TRERF1: variants seen among roughly 807,000 people sequenced by gnomAD.
TRERF1 encodes the protein transcriptional regulating factor 1.
In TRERF1, 27 loss-of-function variants were observed where a neutral mutation model predicts 122.9. The ratio of observed to expected loss-of-function variants is 0.22; its 90% CI spans 0.16 to 0.30. The LOEUF is 0.30. TRERF1 is among the 10% of genes least tolerant of loss of function. The pLI is 1.00. For missense variants in TRERF1, 1,248 were observed against 1,560.3 expected, an observed-to-expected ratio of 0.80 and a Z score of 3.37; for synonymous variants, 636 against 641.7, an observed-to-expected ratio of 0.99 and a Z score of 0.13.
chr6:42,360,726 C>T (rs777420774), intron 3 of TRERF1, among the ~76,000 whole-genome samples: 7 of 136,494 alleles, frequency 5.1e-5, no homozygotes, highest in Non-Finnish European at 3.0e-5. Context: ...GGTGCAGAAG[C>T]CAGCCTGAGG....
intron 13 of TRERF1, 22 bp downstream of exon 13, chr6:42,254,822 AACAGGAC>A: frequency 6.2e-7 from 1 of 1,608,422 alleles, no homozygotes; most frequent in South Asian, 1.1e-5. Flanking sequence ...GTCAGGAGGC[AACAGGAC>A]ACAGGGCTCC....
intron 2 of TRERF1, among the ~76,000 whole-genome samples, chr6:42,411,785 T>G (rs1483710846): frequency 6.6e-6 from 1 of 151,956 alleles, no homozygotes; most frequent in African/African-American, 2.4e-5. Flanking sequence ...CTTCCCACCA[T>G]GGGCAACATC....
At chr6:42,318,567 GAA>G (rs1762879243) in intron 3 of TRERF1, among the ~76,000 whole-genome samples, 1 of 152,228 alleles carries the variant, frequency 6.6e-6, no homozygotes, top group Non-Finnish European at 1.5e-5. Context: ...TAGGTCCCAA[GAA>G]GCAGAGGTAA....
chr6:42,259,842 C>T lies in TRERF1; in HGVS notation c.1885-119G>A. ...CAGAGAGCCCTTCTGCTTGACCCCC[C>T]CACCCCCAACGCCCCCACATTCTGA... On this transcript the variant is annotated intron_variant, in intron 8 of 17. Transcript: ENST00000372922. The surrounding 1 kb of genome is among the most constrained non-coding windows in gnomAD (Gnocchi z 4.9). 7.2e-7 allele frequency: 1 copy of T among 1,380,518 alleles called. No homozygotes were observed. 85.5% of individuals were successfully genotyped at this position (1,380,518 alleles called of 1,614,324 possible).
intron 2 of TRERF1, among the ~76,000 whole-genome samples, chr6:42,387,611 T>C (rs1352282328): frequency 2.6e-5 from 4 of 152,216 alleles, no homozygotes; most frequent in Non-Finnish European, 5.9e-5. Flanking sequence ...GCTCTGTTCA[T>C]GGGTGAGTGT....
chr6:42,437,935 T>C (rs1785742305), intron 2 of TRERF1, among the ~76,000 whole-genome samples: 2 of 152,174 alleles, frequency 1.3e-5, no homozygotes, highest in East Asian at 3.9e-4. Flanking sequence ...TTATTATTTA[T>C]TTTTGAGACA....
intron 2 of TRERF1, among the ~76,000 whole-genome samples, chr6:42,425,738 T>A (rs1402852945): frequency 6.6e-6 from 1 of 151,798 alleles, no homozygotes; most frequent in South Asian, 2.1e-4. Flanking sequence ...AGAGACAGGT[T>A]TTCACTATGT....
chr6:42,261,410 G>A (rs1777845638), intron 8 of TRERF1, among the ~76,000 whole-genome samples: 1 of 152,186 alleles, frequency 6.6e-6, no homozygotes, highest in African/African-American at 2.4e-5. Flanking sequence ...CTGGGCAAGA[G>A]AAGCCACCCA....
chr6:42,306,963 A>C (rs1787374586), intron 3 of TRERF1, among the ~76,000 whole-genome samples: 1 of 152,196 alleles, frequency 6.6e-6, no homozygotes, highest in South Asian at 2.1e-4. Context: ...TTTAGAAACC[A>C]GGGATGCCTG....
intron 3 of TRERF1, among the ~76,000 whole-genome samples, chr6:42,327,146 T>G (rs1456299466): frequency 1.3e-5 from 2 of 152,208 alleles, no homozygotes; most frequent in Admixed American, 1.3e-4. Context: ...CAATAGTGGC[T>G]GATTCTCCAC....
rs544567823 is a variant in TRERF1 at position 42,266,909 on chromosome 6, C to T, written c.1438-1112G>A. ...GCTCTCTAGTTCACAGTCACCACCACTGCCTAATGTCTCATACCAGACAGT... is the reference window on the plus strand; with the variant it reads ...GCTCTCTAGTTCACAGTCACCACCATTGCCTAATGTCTCATACCAGACAGT... On this transcript the variant is annotated intron_variant, in intron 5 of 17. Transcript: ENST00000372922. Among the ~76,000 whole-genome samples, 22 of 152,326 alleles carry T rather than the reference C, an allele frequency of 1.4e-4. 1 individual carries two copies. Among genetic ancestry groups the T allele is most frequent in the African/African-American group, 3.4e-4 (14 of 41,574 alleles).
At chr6:42,426,206 G>A (rs2151612458) in intron 2 of TRERF1, among the ~76,000 whole-genome samples, 1 of 152,228 alleles carries the variant, frequency 6.6e-6, no homozygotes, top group Non-Finnish European at 1.5e-5. Context: ...CAAACATCTA[G>A]CAAATGCCTA....
intron 2 of TRERF1, among the ~76,000 whole-genome samples, chr6:42,441,961 G>A (rs543970199): frequency 9.5e-4 from 145 of 152,260 alleles, no homozygotes; most frequent in South Asian, 8.3e-4. Flanking sequence ...AGGAATGAGC[G>A]TTTGCGAGGT....
chr6:42,320,506 A>ATT lies in TRERF1; in HGVS notation c.-370-19759_-370-19758dup, dbSNP rs397977723. On this transcript the variant is annotated intron_variant, in intron 3 of 17. Coordinates refer to ENST00000372922, the Ensembl canonical transcript of TRERF1. Reference sequence around the variant, plus strand: ...TCACTACCAAAACAAAAGTGAAAGAATTTTTTTTTTTTTTTTTGAGACTGA... The same window carrying ATT: ...TCACTACCAAAACAAAAGTGAAAGAATTTTTTTTTTTTTTTTTTTGAGACTGA... Among the ~76,000 whole-genome samples the ATT allele has an allele frequency of 1.2e-3, 161 of 136,774 alleles. 1 individual carries two copies. The highest frequency in any genetic ancestry group is 4.0e-3 in the African/African-American group (139 of 34,790). 89.7% of individuals were successfully genotyped at this position (136,774 alleles called of 152,430 possible).
intron 4 of TRERF1, among the ~76,000 whole-genome samples, chr6:42,297,465 GA>G (rs1404940005): frequency 6.6e-6 from 1 of 152,202 alleles, no homozygotes; most frequent in Non-Finnish European, 1.5e-5. Flanking sequence ...AGCCTAGGGA[GA>G]CCCCTCCACA....
chr6:42,318,889 T>C (rs1453113038), intron 3 of TRERF1, among the ~76,000 whole-genome samples: 2 of 152,240 alleles, frequency 1.3e-5, no homozygotes, highest in African/African-American at 4.8e-5. Context: ...AGTCCTCACT[T>C]AGAAGTACTC....
chr6:42,316,085 A>G (rs1762445636), intron 3 of TRERF1, among the ~76,000 whole-genome samples: 1 of 152,158 alleles, frequency 6.6e-6, no homozygotes, highest in Non-Finnish European at 1.5e-5. Flanking sequence ...TGCCTGGCTA[A>G]TGGGTCTACA....
At chr6:42,307,951 A>G (rs1425523360) in intron 3 of TRERF1, among the ~76,000 whole-genome samples, 1 of 152,260 alleles carries the variant, frequency 6.6e-6, no homozygotes, top group East Asian at 1.9e-4. Flanking sequence ...GGCCACAACC[A>G]AAAACACAAA....
In TRERF1 at chr6:42,283,819, T is replaced by A. The variant is rs377204145; in HGVS notation, c.-258-13971A>T. ...TTAGTAGAGACGGGGTTTCTCCATG[T>A]TGGTCAGGCTGGTCTCGAACTCCCA... On this transcript the variant is annotated intron_variant, in intron 4 of 17. Coordinates refer to ENST00000372922, the Ensembl canonical transcript of TRERF1. Among the ~76,000 whole-genome samples the A allele has an allele frequency of 2.2e-4, 33 of 152,130 alleles. 2 individuals carry two copies. The highest frequency in any genetic ancestry group is 2.1e-3 in the East Asian group (11 of 5,178).
Sources: gnomAD v4.1 joint callset for allele counts (sites outside exome capture counted in the v4.1 genomes callset) on GRCh38, gnomAD v4.1.1 for gene constraint, Gnocchi (gnomAD v3.1) non-coding constraint, MANE v1.5 for transcripts, NCBI Gene and HGNC (gene_info 2026-07-23, HGNC 2026-07-21) for gene names.